The following FOXP1 variants were observed in gnomAD, a reference collection of about 807,000 sequenced individuals.
FOXP1 encodes the protein forkhead box protein P1.
FOXP1 carries 15 observed loss-of-function variants against 98.2 expected under a neutral mutation model. That is an observed-to-expected ratio of 0.15 (90% CI 0.10 to 0.24). FOXP1 has a LOEUF of 0.24. Among genes scored for constraint, FOXP1 ranks in the 10% least tolerant of loss-of-function variants. The pLI is 1.00. For synonymous variants in FOXP1, 371 were observed against 314.5 expected, an observed-to-expected ratio of 1.18 and a Z score of -1.90; for missense variants, 633 against 848.5, an observed-to-expected ratio of 0.75 and a Z score of 3.15.
At chr3:71,033,639 C>T (rs2106720115) in intron 11 of FOXP1, among the ~76,000 whole-genome samples, 1 of 147,702 alleles carries the variant, frequency 6.8e-6, no homozygotes, top group South Asian at 2.2e-4. Flanking sequence ...AACCCATAAA[C>T]CCTTCCCTTA....
intron 3 of FOXP1, among the ~76,000 whole-genome samples, chr3:71,422,999 G>A (rs1427499637): frequency 6.6e-6 from 1 of 152,100 alleles, no homozygotes; most frequent in Non-Finnish European, 1.5e-5. Context: ...AACTCATTCA[G>A]GAGCCAGGAA....
intron 7 of FOXP1, among the ~76,000 whole-genome samples, chr3:71,106,177 T>A (rs2057406978): frequency 6.6e-6 from 1 of 152,240 alleles, no homozygotes; most frequent in African/African-American, 2.4e-5. Flanking sequence ...GCTAAGGAGC[T>A]GGCCCACGTT....
At chr3:71,275,667 C>T (rs2070807044) in intron 5 of FOXP1, among the ~76,000 whole-genome samples, 1 of 152,202 alleles carries the variant, frequency 6.6e-6, no homozygotes, top group Admixed American at 6.5e-5. Flanking sequence ...ATTCCCCCAC[C>T]ACCTTTTTTA....
chr3:71,546,548 C>G (rs2045378103), intron 2 of FOXP1, among the ~76,000 whole-genome samples: 1 of 152,108 alleles, frequency 6.6e-6, no homozygotes, highest in Admixed American at 6.5e-5. Flanking sequence ...AACACCTACC[C>G]ACCACTTCTA....
chr3:71,036,683 C>T (rs969113544), intron 11 of FOXP1, among the ~76,000 whole-genome samples: 1 of 152,082 alleles, frequency 6.6e-6, no homozygotes, highest in Non-Finnish European at 1.5e-5. Context: ...GTGTGTAAAT[C>T]CCCCATGAGG....
At chr3:71,164,248 G>A (rs1470788243) in intron 6 of FOXP1, among the ~76,000 whole-genome samples, 1 of 151,948 alleles carries the variant, frequency 6.6e-6, no homozygotes. Context: ...CGCCCAGGCT[G>A]GAGTGCAGTG....
intron 3 of FOXP1, among the ~76,000 whole-genome samples, chr3:71,399,093 G>A (rs760876146): frequency 1.8e-4 from 27 of 152,134 alleles, no homozygotes; most frequent in Admixed American, 6.5e-4. Context: ...TCAACTGTTC[G>A]TAGAAGTGAC....
intron 2 of FOXP1, among the ~76,000 whole-genome samples, chr3:71,551,097 C>T (rs1448659933): frequency 6.6e-6 from 1 of 152,158 alleles, no homozygotes; most frequent in East Asian, 1.9e-4. Flanking sequence ...GAATGAGATT[C>T]TGAGGCAAAT....
intron 2 of FOXP1, among the ~76,000 whole-genome samples, chr3:71,560,297 C>T (rs2046440101): frequency 6.6e-6 from 1 of 152,202 alleles, no homozygotes. Flanking sequence ...ATTATGTTAT[C>T]ATCCTCACAT....
At chr3:71,395,954 A>G (rs147871182) in intron 3 of FOXP1, among the ~76,000 whole-genome samples, 1 of 152,312 alleles carries the variant, frequency 6.6e-6, no homozygotes, top group East Asian at 1.9e-4. Flanking sequence ...CTTTAATGAT[A>G]TATCGAATAA....
intron 3 of FOXP1, among the ~76,000 whole-genome samples, chr3:71,418,929 C>T (rs1345422363): frequency 1.7e-5 from 2 of 120,556 alleles, no homozygotes; most frequent in African/African-American, 3.2e-5. Flanking sequence ...TATGAAAGAC[C>T]GGTCTCAAAA....
chr3:71,062,887 G>GA (rs962011186), intron 7 of FOXP1, among the ~76,000 whole-genome samples: 38 of 152,050 alleles, frequency 2.5e-4, no homozygotes, highest in Admixed American at 2.4e-3. Flanking sequence ...TTTTTTTAAA[G>GA]AAAAAAATGT....
intron 10 of FOXP1, among the ~76,000 whole-genome samples, chr3:71,043,922 T>C (rs1420722535): frequency 2.6e-5 from 4 of 152,206 alleles, no homozygotes; most frequent in Admixed American, 2.6e-4. Flanking sequence ...AGTTCCATTA[T>C]CCATAGAGAA....
intron 6 of FOXP1, among the ~76,000 whole-genome samples, chr3:71,153,658 G>T (rs1449278324): frequency 1.3e-5 from 2 of 152,084 alleles, no homozygotes; most frequent in Non-Finnish European, 2.9e-5. Flanking sequence ...ATCTGCTGGG[G>T]TGTATGTAGG....
chr3:71,231,528 C>G (rs1391827765), intron 5 of FOXP1, among the ~76,000 whole-genome samples: 1 of 152,146 alleles, frequency 6.6e-6, no homozygotes. Context: ...ATACACAACA[C>G]CAACTTGTTG....
intron 3 of FOXP1, among the ~76,000 whole-genome samples, chr3:71,365,092 T>C (rs976469803): frequency 1.3e-5 from 2 of 152,222 alleles, no homozygotes; most frequent in African/African-American, 4.8e-5. Context: ...TTACACAAAC[T>C]GGCAGTGGGC....
At chr3:71,223,064 C>T (rs1377225977) in intron 5 of FOXP1, among the ~76,000 whole-genome samples, 1 of 152,168 alleles carries the variant, frequency 6.6e-6, no homozygotes, top group Non-Finnish European at 1.5e-5. Flanking sequence ...CCTCAAAGAA[C>T]CTTCAGCTGA....
chr3:70,980,009 C>T (rs897260280), intron 14 of FOXP1, among the ~76,000 whole-genome samples: 5 of 152,002 alleles, frequency 3.3e-5, no homozygotes, highest in Admixed American at 1.3e-4. Context: ...ACAATGCCTG[C>T]GAAGAGCAAG....
chr3:71,183,945 G>T (rs2062488610), intron 6 of FOXP1, among the ~76,000 whole-genome samples: 1 of 152,150 alleles, frequency 6.6e-6, no homozygotes, highest in Non-Finnish European at 1.5e-5. Context: ...CTGAGGTTGG[G>T]ACTTCGAGAC....
Sources: allele counts gnomAD v4.1 joint callset (sites outside exome capture counted in the v4.1 genomes callset), GRCh38; gene constraint gnomAD v4.1.1; transcripts MANE v1.5; gene names NCBI Gene and HGNC (gene_info 2026-07-23, HGNC 2026-07-21).